Variants in SIN3A observed in about 807,000 individuals in gnomAD.
SIN3A encodes SIN3 transcription regulator family member A, also known as paired amphipathic helix protein Sin3a.
Under a neutral mutation model 146.1 loss-of-function variants are expected in SIN3A, and 14 were observed. That is an observed-to-expected ratio of 0.10 (90% CI 0.06 to 0.15). SIN3A has a LOEUF of 0.15. Among genes scored for constraint, SIN3A ranks in the 10% least tolerant of loss-of-function variants. The pLI is 1.00. For missense variants in SIN3A, 1,028 were observed against 1,576.0 expected, an observed-to-expected ratio of 0.65 and a Z score of 5.89; for synonymous variants, 572 against 572.0, an observed-to-expected ratio of 1.00 and a Z score of 0.00.
At chr15:75,441,906 G>A (rs902412722) in intron 1 of SIN3A, among the ~76,000 whole-genome samples, 1 of 151,746 alleles carries the variant, frequency 6.6e-6, no homozygotes, top group Non-Finnish European at 1.5e-5. Flanking sequence ...GGATCACGAG[G>A]TCAGGAGATT....
intron 19 of SIN3A, among the ~76,000 whole-genome samples, chr15:75,380,097 G>C (rs1478794010): frequency 1.3e-5 from 2 of 152,238 alleles, no homozygotes; most frequent in African/African-American, 4.8e-5. Context: ...ACAGTGCCTA[G>C]ATGACTACAT....
intron 19 of SIN3A, 109 bp downstream of exon 19, chr15:75,380,520 A>G (rs1027050514): frequency 5.2e-5 from 42 of 808,136 alleles, no homozygotes; most frequent in African/African-American, 4.9e-4. Flanking sequence ...CCCAGCAGAT[A>G]GAACAAATGA....
chr15:75,372,328 A>G, intron 20 of SIN3A, 119 bp from the exon 21 acceptor site: 1 of 557,058 alleles, frequency 1.8e-6, no homozygotes, highest in Non-Finnish European at 3.1e-6. Flanking sequence ...CAAGTCTTAG[A>G]TACCACTGTT....
chr15:75,403,600 G>A (rs2073453829), intron 9 of SIN3A, among the ~76,000 whole-genome samples: 1 of 150,484 alleles, frequency 6.6e-6, no homozygotes, highest in African/African-American at 2.4e-5. Context: ...GAGTGCAATG[G>A]CGCGATCTCA....
intron 3 of SIN3A, chr15:75,415,762 A>G (rs2073722826): frequency 6.2e-6 from 1 of 162,580 alleles, no homozygotes; most frequent in African/African-American, 2.4e-5. Context: ...GAGGCAGGGG[A>G]ATCACTTGAA....
intron 10 of SIN3A, among the ~76,000 whole-genome samples, chr15:75,401,150 C>T (rs2073403807): frequency 6.6e-6 from 1 of 152,136 alleles, no homozygotes; most frequent in Admixed American, 6.5e-5. Context: ...AAGAGTTGTA[C>T]CGAAACCAGG....
intron 5 of SIN3A, 98 bp downstream of exon 5, chr15:75,412,665 G>C (rs1013570526): frequency 5.0e-6 from 6 of 1,203,072 alleles, no homozygotes; most frequent in Non-Finnish European, 6.8e-6. Flanking sequence ...TTGTAACTTT[G>C]TTTCTCAGTA....
intron 16 of SIN3A, among the ~76,000 whole-genome samples, chr15:75,385,809 T>C (rs908784037): frequency 2.5e-4 from 38 of 152,126 alleles, no homozygotes; most frequent in African/African-American, 8.9e-4. Context: ...GGTGACTGAG[T>C]GTGGCAGAAA....
At chr15:75,382,933 C>A (rs4886442) in intron 17 of SIN3A, among the ~76,000 whole-genome samples, 90,986 of 151,566 alleles carry the variant, frequency 0.6, 28,519 homozygotes, top group African/African-American at 0.8. Context: ...ACACACACAC[C>A]CACACAAGCT....
intron 3 of SIN3A, among the ~76,000 whole-genome samples, chr15:75,418,213 G>A (rs1024917451): frequency 2.0e-5 from 3 of 151,844 alleles, no homozygotes; most frequent in African/African-American, 7.3e-5. Context: ...TGTATTTTTA[G>A]TAGAGATGGG....
At chr15:75,397,360 T>C (rs987320799) in intron 12 of SIN3A, among the ~76,000 whole-genome samples, 5 of 152,308 alleles carry the variant, frequency 3.3e-5, no homozygotes, top group East Asian at 3.9e-4. Flanking sequence ...TATGATTGGA[T>C]AGGGCCATGT....
At chr15:75,393,965 G>T (rs1595895723) in intron 14 of SIN3A, among the ~76,000 whole-genome samples, 1 of 151,910 alleles carries the variant, frequency 6.6e-6, no homozygotes, top group South Asian at 2.1e-4. Context: ...ACACCACCAC[G>T]CCTGGCTAAT....
intron 17 of SIN3A, 78 bp downstream of exon 17, chr15:75,384,186 C>T (rs1202078630): frequency 2.4e-6 from 3 of 1,230,074 alleles, no homozygotes; most frequent in Admixed American, 4.5e-5. Flanking sequence ...AGTACCCCGG[C>T]TTTAACTTCT....
upstream of SIN3A, among the ~76,000 whole-genome samples, chr15:75,452,196 G>A (rs1482051739): frequency 1.3e-5 from 2 of 152,236 alleles, no homozygotes; most frequent in African/African-American, 2.4e-5. Flanking sequence ...CCCAAGAGTC[G>A]GATTGGATAT....
intron 17 of SIN3A, 128 bp from the exon 18 acceptor site, chr15:75,381,833 A>C: frequency 1.3e-6 from 1 of 744,382 alleles, no homozygotes; most frequent in Non-Finnish European, 2.2e-6. Flanking sequence ...GATGAGGAAG[A>C]TACTAGATCT....
At chr15:75,385,942 C>A (rs2073067769) in intron 16 of SIN3A, among the ~76,000 whole-genome samples, 1 of 152,116 alleles carries the variant, frequency 6.6e-6, no homozygotes, top group East Asian at 1.9e-4. Flanking sequence ...GATTAAGATA[C>A]AGTGTTTTAG....
chr15:75,435,573 C>T (rs1257832650), intron 1 of SIN3A, among the ~76,000 whole-genome samples: 4 of 151,990 alleles, frequency 2.6e-5, no homozygotes, highest in Admixed American at 6.6e-5. Context: ...TGGCGCATGC[C>T]TGTAATCCCA....
intron 19 of SIN3A, 113 bp from the exon 20 acceptor site, chr15:75,375,985 T>G (rs1006482775): frequency 5.0e-6 from 5 of 1,008,576 alleles, no homozygotes; most frequent in Admixed American, 1.9e-5. Flanking sequence ...CCCAATTTGT[T>G]AAATACATAC....
chr15:75,376,849 G>C (rs2072867898), intron 19 of SIN3A, among the ~76,000 whole-genome samples: 1 of 122,036 alleles, frequency 8.2e-6, no homozygotes, highest in Non-Finnish European at 1.6e-5. Context: ...CACAGAGCCA[G>C]ACACTGTCTT....
Sources: allele counts gnomAD v4.1 joint callset (sites outside exome capture counted in the v4.1 genomes callset), GRCh38; gene constraint gnomAD v4.1.1; transcripts MANE v1.5; gene names NCBI Gene and HGNC (gene_info 2026-07-23, HGNC 2026-07-21).